UBFD1: variants seen among roughly 807,000 people sequenced by gnomAD.
The protein encoded by UBFD1 is ubiquitin domain-containing protein UBFD1.
Under a neutral mutation model 35.1 loss-of-function variants are expected in UBFD1, and 12 were observed. That is an observed-to-expected ratio of 0.34 (90% CI 0.22 to 0.55). The LOEUF is 0.55. Ranked by LOEUF, UBFD1 falls within the 20% of genes least tolerant of loss-of-function variation. The pLI is 0.89. For missense variants in UBFD1, 337 were observed against 410.8 expected (o/e 0.82, Z 1.55); for synonymous variants, 178 against 167.6 (o/e 1.06, Z -0.48).
At chr16:23,559,393 C>T in intron 2 of UBFD1, 75 bp from the exon 3 acceptor site, 2 of 1,357,372 alleles carry the variant, frequency 1.5e-6, no homozygotes, top group African/African-American at 1.5e-5. Context: ...GGTCTGTTAC[C>T]AAAGAGCTGT....
chr16:23,559,790 G>A, intron 3 of UBFD1, 114 bp downstream of exon 3: 2 of 1,553,114 alleles, frequency 1.3e-6, no homozygotes, highest in Non-Finnish European at 1.7e-6. Context: ...GCCCATGATG[G>A]AAATTTATGG....
chr16:23,562,287 T>C lies in UBFD1; in HGVS notation c.630+16T>C. The C allele has an allele frequency of 6.2e-7, 1 of 1,612,778 alleles. No individual in the cohort carries two copies. Among genetic ancestry groups the C allele is most frequent in the South Asian group, 1.1e-5 (1 of 90,896 alleles). On this transcript the variant is annotated intron_variant, in intron 4 of 6. Coordinates refer to ENST00000395878, the MANE Select transcript of UBFD1 (RefSeq NM_019116.3). Reference sequence around the variant, plus strand: ...GGGGGCCCAGGTAAGGCGGATTTCTTTGTGAGCATTCTGAAAATGAGGCAG... The same window carrying C: ...GGGGGCCCAGGTAAGGCGGATTTCTCTGTGAGCATTCTGAAAATGAGGCAG...
rs770312744 is a variant in UBFD1 at position 23,562,188 on chromosome 16, C to T, written c.565-18C>T. The T allele has an allele frequency of 3.1e-6, 5 of 1,606,544 alleles. No homozygotes were observed. In the South Asian group the frequency reaches 5.6e-5, roughly 18 times the overall value. On this transcript the variant is annotated intron_variant, in intron 3 of 6. Coordinates refer to ENST00000395878, the MANE Select transcript of UBFD1 (RefSeq NM_019116.3). ...ATGTAGTCAGCTGTTTCATTTCATT[C>T]TCTCTTCTGACTTATAGCAACACAG...
At chr16:23,557,882 G>C in intron 1 of UBFD1, 68 bp from the exon 2 acceptor site, 1 of 1,268,632 alleles carries the variant, frequency 7.9e-7, no homozygotes, top group Non-Finnish European at 9.9e-7. Context: ...GAGGTCCGGC[G>C]GCGCCCGGAC....
chr16:23,570,418 G>A (rs1966067775), intron 6 of UBFD1, 62 bp from the exon 7 acceptor site: 9 of 1,236,890 alleles, frequency 7.3e-6, no homozygotes, highest in Non-Finnish European at 1.1e-5. Context: ...ACCCATGTTT[G>A]TCCTGCCTGC....
intron 2 of UBFD1, among the ~76,000 whole-genome samples, chr16:23,558,816 T>C (rs969346166): frequency 6.6e-6 from 1 of 150,900 alleles, no homozygotes; most frequent in African/African-American, 2.4e-5. Flanking sequence ...AGTCTTGCTC[T>C]GTTGCCCAGG....
chr16:23,557,972 C>T lies in UBFD1; in HGVS notation c.48C>T (p.Asp16=), dbSNP rs1965844122. Residue 16 remains aspartate, a synonymous_variant, in exon 2 of 7, where the codon GAC becomes GAT. Coordinates refer to ENST00000395878, the MANE Select transcript of UBFD1 (RefSeq NM_019116.3). ...CAGGCATGGAGGAACCTGGCATGGACACGGAGGCCGAGACTGTGGCTACTG... is the reference window on the plus strand; with the variant it reads ...CAGGCATGGAGGAACCTGGCATGGATACGGAGGCCGAGACTGTGGCTACTG... The part of the protein sequence containing the change: ...APDGMEEPGM[D]TEAETVATEA... 2.2e-6 allele frequency: 3 copies of T among 1,365,332 alleles called. No homozygotes were observed. Among genetic ancestry groups the T allele is most frequent in the Non-Finnish European group, 2.8e-6 (3 of 1,061,686 alleles). The allele number at this position is 1,365,332 out of a possible 1,614,324, so 84.6% of individuals were successfully genotyped here.
intron 6 of UBFD1, among the ~76,000 whole-genome samples, chr16:23,568,392 T>C (rs1045227318): frequency 7.3e-5 from 11 of 151,328 alleles, no homozygotes; most frequent in Admixed American, 6.6e-4. Context: ...TCTCTTGACC[T>C]GGCGATCCGC....
intron 3 of UBFD1, among the ~76,000 whole-genome samples, chr16:23,560,304 G>A (rs553490805): frequency 6.6e-6 from 1 of 152,244 alleles, no homozygotes; most frequent in Non-Finnish European, 1.5e-5. Context: ...TTCACGTAAC[G>A]AGGAAAAGTG....
Position 23,559,597 on chromosome 16 carries a change from C to T in UBFD1, c.485C>T (p.Ala162Val). 2 of 1,614,224 alleles carry T rather than the reference C, an allele frequency of 1.2e-6. No individual in the cohort carries two copies. Among genetic ancestry groups the T allele is most frequent in the Non-Finnish European group, 1.7e-6 (2 of 1,180,042 alleles). Residue 162 changes from alanine to valine, a missense_variant, in exon 3 of 7, where the codon GCA (alanine) becomes GTA (valine). Ala to Val is a moderately conservative substitution (Grantham distance 64). Coordinates refer to ENST00000395878, the MANE Select transcript of UBFD1 (RefSeq NM_019116.3). ...VVGSTINDVL[A>V]VNTPKDAAQQ... Reference sequence around the variant, plus strand: ...GGCTCCACCATCAATGATGTTTTAGCAGTAAACACACCCAAAGATGCTGCG... The same window carrying T: ...GGCTCCACCATCAATGATGTTTTAGTAGTAAACACACCCAAAGATGCTGCG...
At chr16:23,562,002 C>G in intron 3 of UBFD1, 1 of 542,668 alleles carries the variant, frequency 1.8e-6, no homozygotes, top group Non-Finnish European at 3.2e-6. Flanking sequence ...TAGGTAGTGG[C>G]TAGCACAGGT....
chr16:23,563,205 A>G (rs918728494), intron 5 of UBFD1, among the ~76,000 whole-genome samples: 6 of 151,462 alleles, frequency 4.0e-5, no homozygotes, highest in Admixed American at 1.3e-4. Context: ...TACAGTCTTC[A>G]TGGTCCCATT....
At chr16:23,561,955 T>G in intron 3 of UBFD1, 2 of 389,692 alleles carry the variant, frequency 5.1e-6, no homozygotes, top group African/African-American at 4.1e-5. Context: ...TCCTCAGTCA[T>G]AGTAGCTGCA....
intron 5 of UBFD1, chr16:23,565,606 G>C (rs1373688436): frequency 6.6e-6 from 1 of 152,172 alleles, no homozygotes; most frequent in Non-Finnish European, 1.5e-5. Flanking sequence ...AGAGCCACTA[G>C]AAGTCCAAAC....
intron 6 of UBFD1, among the ~76,000 whole-genome samples, chr16:23,569,952 A>G (rs1966061856): frequency 6.6e-6 from 1 of 152,216 alleles, no homozygotes; most frequent in African/African-American, 2.4e-5. Context: ...GAGCTCCAGT[A>G]TTGGTGTGAC....
At chr16:23,562,772 C>G (rs1451988016) in intron 5 of UBFD1, 42 bp downstream of exon 5, 1 of 1,540,532 alleles carries the variant, frequency 6.5e-7, no homozygotes, top group Admixed American at 1.7e-5. Context: ...CTGCCTGCCT[C>G]TGGCACCCAG....
intron 5 of UBFD1, among the ~76,000 whole-genome samples, chr16:23,563,284 A>G (rs985034964): frequency 6.6e-6 from 1 of 151,978 alleles, no homozygotes; most frequent in East Asian, 1.9e-4. Context: ...GTTTGACCCT[A>G]TAGTAGGTGA....
intron 5 of UBFD1, chr16:23,565,068 G>A (rs13335805): frequency 0.082 from 12,558 of 152,324 alleles, 926 homozygotes; most frequent in African/African-American, 0.19. Flanking sequence ...CAAGGGGCAG[G>A]CAGTCTTGTC....
At chr16:23,561,037 C>G (rs1965925277) in intron 3 of UBFD1, among the ~76,000 whole-genome samples, 1 of 152,188 alleles carries the variant, frequency 6.6e-6, no homozygotes, top group African/African-American at 2.4e-5. Context: ...TAGAACTGTT[C>G]TCCACAGTAC....
Sources: gnomAD v4.1 joint callset for allele counts (sites outside exome capture counted in the v4.1 genomes callset) on GRCh38, gnomAD v4.1.1 for gene constraint, MANE v1.5 for transcripts, NCBI Gene and HGNC (gene_info 2026-07-23, HGNC 2026-07-21) for gene names.